The following PCDHGA1 variants were observed in gnomAD, a reference collection of about 807,000 sequenced individuals.
PCDHGA1 encodes the protein protocadherin gamma subfamily A, 1.
In PCDHGA1, 32 loss-of-function variants were observed where a neutral mutation model predicts 58.0. The observed-to-expected ratio is 0.55, with a 90% CI of 0.42 to 0.74. The LOEUF (loss-of-function observed/expected upper bound fraction) is 0.74. PCDHGA1 is among the 30% of genes least tolerant of loss of function. The probability of loss-of-function intolerance (pLI) is 0.00; values close to 1 mark genes in which losing one functional copy is unlikely to be tolerated. For synonymous variants in PCDHGA1, 498 were observed against 501.1 expected (o/e 0.99, Z 0.08); for missense variants, 1,205 against 1,182.3 (o/e 1.02, Z -0.28).
At chr5:141,346,208 G>T (rs756507619) in intron 1 of PCDHGA1, 1 of 1,614,166 alleles carries the variant, frequency 6.2e-7, no homozygotes, top group South Asian at 1.1e-5. Context: ...CACGCCTGCT[G>T]CAGGCTTCGG....
In PCDHGA1 at chr5:141,366,458, G is replaced by A. The variant is rs555568322; in HGVS notation, c.2421+33353G>A. 4 of 1,614,092 alleles carry A rather than the reference G, an allele frequency of 2.5e-6. No homozygotes were observed. In the African/African-American group the frequency reaches 4.0e-5, roughly 16 times the overall value. On this transcript the variant is annotated intron_variant, in intron 1 of 3. Coordinates refer to ENST00000517417, the MANE Select transcript of PCDHGA1 (RefSeq NM_018912.3). Reference sequence around the variant, plus strand: ...CTGCGTCTTCCTGGCCTTCGTCATCGTGCTGCTGGTGCTCAGACTGAGGCG... The same window carrying A: ...CTGCGTCTTCCTGGCCTTCGTCATCATGCTGCTGGTGCTCAGACTGAGGCG...
rs780836649 is a variant in PCDHGA1 at position 141,414,681 on chromosome 5, G to C, written c.2422-80126G>C. 38 of 1,613,836 alleles carry C rather than the reference G, an allele frequency of 2.4e-5. 1 individual carries two copies. The East Asian group carries it at 8.5e-4, about 36-fold the overall frequency. ...CCCTGGCTGAAGACACCATCCAGGG[G>C]GTACCTCTGTCCTCATACATATCCA... On this transcript the variant is annotated intron_variant, in intron 1 of 3. Coordinates refer to ENST00000517417, the MANE Select transcript of PCDHGA1 (RefSeq NM_018912.3).
At chr5:141,414,283 G>T in intron 1 of PCDHGA1, 1 of 1,613,520 alleles carries the variant, frequency 6.2e-7, no homozygotes, top group Non-Finnish European at 8.5e-7. Flanking sequence ...GGGAACAGTC[G>T]TAGCCCTTTT....
chr5:141,364,432 G>T (rs763376851), intron 1 of PCDHGA1: 1 of 1,613,796 alleles, frequency 6.2e-7, no homozygotes, highest in Non-Finnish European at 8.5e-7. Context: ...TCCGCTACTC[G>T]ATGCCGGAGG....
intron 1 of PCDHGA1, chr5:141,409,000 C>CACTG: frequency 6.2e-7 from 1 of 1,613,950 alleles, no homozygotes; most frequent in Non-Finnish European, 8.5e-7. Flanking sequence ...AAGTGACAGC[C>CACTG]ACTGACCAGG....
rs1222364302 is a variant in PCDHGA1, at chr5:141,414,920, C to T, written c.2422-79887C>T. On this transcript the variant is annotated intron_variant, in intron 1 of 3. Coordinates refer to ENST00000517417, the MANE Select transcript of PCDHGA1 (RefSeq NM_018912.3). ...GACGGTTCCACAGGCGTGGAGCTGG[C>T]GCCCCGCTCCGCAGAGCCCGGCTAC... 2.5e-6 allele frequency: 4 copies of T among 1,614,146 alleles called. No individual in the cohort carries two copies. The South Asian group carries it at 3.3e-5, about 13-fold the overall frequency.
intron 1 of PCDHGA1, chr5:141,408,865 A>G (rs765751172): frequency 6.2e-7 from 1 of 1,613,684 alleles, no homozygotes. Context: ...GGGACCCACC[A>G]AGAAGTGCCA....
At chr5:141,415,401 G>T in intron 1 of PCDHGA1, 2 of 1,614,206 alleles carry the variant, frequency 1.2e-6, no homozygotes, top group Non-Finnish European at 1.7e-6. Context: ...TGTCCGGCTC[G>T]CACTTTGTGG....
intron 1 of PCDHGA1, chr5:141,383,225 T>C: frequency 6.2e-7 from 1 of 1,613,970 alleles, no homozygotes; most frequent in Non-Finnish European, 8.5e-7. Flanking sequence ...TTTAACATCC[T>C]GATGGAAGAT....
intron 1 of PCDHGA1, chr5:141,383,229 G>A: frequency 6.2e-7 from 1 of 1,613,958 alleles, no homozygotes. Flanking sequence ...ACATCCTGAT[G>A]GAAGATAAAA....
chr5:141,415,552 G>T (rs1244457142), intron 1 of PCDHGA1: 3 of 1,613,980 alleles, frequency 1.9e-6, no homozygotes, highest in African/African-American at 2.7e-5. Flanking sequence ...TGAGAAAAAC[G>T]ATCCTTTGTC....
chr5:141,399,263 A>G, intron 1 of PCDHGA1: 9 of 1,613,918 alleles, frequency 5.6e-6, no homozygotes, highest in Non-Finnish European at 7.6e-6. Context: ...GGGGAGGTTA[A>G]TTGTCAATTA....
At chr5:141,509,574 G>A (rs554778751) in intron 3 of PCDHGA1, among the ~76,000 whole-genome samples, 7 of 152,182 alleles carry the variant, frequency 4.6e-5, no homozygotes, top group Non-Finnish European at 5.9e-5. Flanking sequence ...TTCACAGTGC[G>A]TACAAATCAG....
intron 1 of PCDHGA1, among the ~76,000 whole-genome samples, chr5:141,469,103 C>G (rs949254605): frequency 6.6e-6 from 1 of 151,844 alleles, no homozygotes; most frequent in Non-Finnish European, 1.5e-5. Flanking sequence ...AAAGCAAGAA[C>G]CTGTCTCTAA....
chr5:141,404,752 G>C, intron 1 of PCDHGA1: 1 of 1,614,010 alleles, frequency 6.2e-7, no homozygotes, highest in Non-Finnish European at 8.5e-7. Flanking sequence ...ACTCAGGCCA[G>C]AATGCTTGGC....
At chr5:141,406,198 C>T (rs1363174713) in intron 1 of PCDHGA1, among the ~76,000 whole-genome samples, 1 of 151,806 alleles carries the variant, frequency 6.6e-6, no homozygotes, top group African/African-American at 2.4e-5. Context: ...TCAGCCTTCA[C>T]AGTAGCTAGG....
chr5:141,399,346 GACCGAGAGCAA>G, intron 1 of PCDHGA1: 1 of 1,613,890 alleles, frequency 6.2e-7, no homozygotes, highest in Non-Finnish European at 8.5e-7. Flanking sequence ...TGGAACCCTA[GACCGAGAGCAA>G]ACCCCGGAGT....
rs550977374 is a variant in PCDHGA1, at chr5:141,447,118, G to A, written c.2422-47689G>A. 9.2e-5 allele frequency among the ~76,000 whole-genome samples: 14 copies of A among 151,984 alleles called. No individual in the cohort carries two copies. The East Asian group carries it at 2.7e-3, about 29-fold the overall frequency. ...TTCACATGATTATATGTGCTCCATGGATTTTTTTGTTTGTTTGTTTTTTGT... is the reference window on the plus strand; with the variant it reads ...TTCACATGATTATATGTGCTCCATGAATTTTTTTGTTTGTTTGTTTTTTGT... On this transcript the variant is annotated intron_variant, in intron 1 of 3. Transcript: ENST00000517417.
Position 141,372,286 on chromosome 5 carries a change from C to T in PCDHGA1, c.2421+39181C>T, listed in dbSNP as rs62620706. 47 of 1,613,150 alleles carry T rather than the reference C, an allele frequency of 2.9e-5. No homozygotes were observed. The African/African-American group carries it at 5.9e-4, about 20-fold the overall frequency. ...ACGGGTGAGGTGCGCACGGCGCGTA[C>T]CTTGGGCGACAGGGAGGCCGCCCGC... On this transcript the variant is annotated intron_variant, in intron 1 of 3. Coordinates refer to ENST00000517417, the MANE Select transcript of PCDHGA1 (RefSeq NM_018912.3).
Sources: gnomAD v4.1 joint callset for allele counts (sites outside exome capture counted in the v4.1 genomes callset) on GRCh38, gnomAD v4.1.1 for gene constraint, MANE v1.5 for transcripts, NCBI Gene and HGNC (gene_info 2026-07-23, HGNC 2026-07-21) for gene names.